The following SQOR variants were observed in gnomAD, a reference collection of about 807,000 sequenced individuals.
The protein encoded by SQOR is sulfide quinone oxidoreductase, also known as sulfide:quinone oxidoreductase, mitochondrial.
SQOR carries 39 observed loss-of-function variants against 48.6 expected under a neutral mutation model. The observed-to-expected ratio is 0.80, with a 90% CI of 0.62 to 1.05. The LOEUF (loss-of-function observed/expected upper bound fraction) is 1.05, where lower values mean the gene tolerates loss of function less well. SQOR is among the 50% of genes least tolerant of loss of function. SQOR has a pLI of 0.00. For missense variants in SQOR, 561 were observed against 559.9 expected, an observed-to-expected ratio of 1.00 and a Z score of -0.02; for synonymous variants, 220 against 206.2, an observed-to-expected ratio of 1.07 and a Z score of -0.57.
At chr15:45,688,111 C>T (rs978707184) in intron 7 of SQOR, among the ~76,000 whole-genome samples, 1 of 152,066 alleles carries the variant, frequency 6.6e-6, no homozygotes, top group Non-Finnish European at 1.5e-5. Flanking sequence ...TGGAGGGAGT[C>T]GGCTCTTTAG....
At chr15:45,661,794 G>C (rs1053685049) in intron 2 of SQOR, among the ~76,000 whole-genome samples, 161 bp from the exon 3 acceptor site, 2 of 152,164 alleles carry the variant, frequency 1.3e-5, no homozygotes, top group Non-Finnish European at 2.9e-5. Flanking sequence ...TACCATAATA[G>C]GAGACGCCTA....
intron 6 of SQOR, among the ~76,000 whole-genome samples, chr15:45,678,410 T>C (rs1052277557): frequency 6.6e-6 from 1 of 152,248 alleles, no homozygotes; most frequent in African/African-American, 2.4e-5. Flanking sequence ...TAACTATTGG[T>C]ATGAACTCAT....
intron 3 of SQOR, among the ~76,000 whole-genome samples, chr15:45,666,731 CCTCCCCTTCCCTCCTCTCCT>C (rs1415569362): frequency 3.0e-5 from 4 of 133,890 alleles, no homozygotes; most frequent in African/African-American, 1.1e-4. Flanking sequence ...TTTCCTCTCC[CCTCCCCTTCCCTCCTCTCCT>C]CTCTCCTCCC....
At chr15:45,678,493 T>G (rs571309640) in intron 6 of SQOR, among the ~76,000 whole-genome samples, 1 of 152,292 alleles carries the variant, frequency 6.6e-6, no homozygotes, top group South Asian at 2.1e-4. Context: ...CAAATTGTTT[T>G]GGATTTGGTC....
At chr15:45,653,499 G>A (rs1318787601) in intron 1 of SQOR, among the ~76,000 whole-genome samples, 3 of 152,146 alleles carry the variant, frequency 2.0e-5, no homozygotes, top group Non-Finnish European at 4.4e-5. Context: ...GGCCCTCTCC[G>A]GTCACACCAC....
intron 3 of SQOR, among the ~76,000 whole-genome samples, chr15:45,668,165 C>T (rs895613352): frequency 6.6e-6 from 1 of 151,870 alleles, no homozygotes; most frequent in African/African-American, 2.4e-5. Context: ...AGGCTGGTCT[C>T]GAACTCCTGA....
At chr15:45,635,830 A>T (rs1894993949) in intron 1 of SQOR, among the ~76,000 whole-genome samples, 1 of 151,824 alleles carries the variant, frequency 6.6e-6, no homozygotes, top group African/African-American at 2.4e-5. Flanking sequence ...AAGGCTAAAG[A>T]CTCTCAGAAC....
intron 4 of SQOR, among the ~76,000 whole-genome samples, chr15:45,670,900 G>A (rs1237109287): frequency 6.6e-6 from 1 of 152,130 alleles, no homozygotes; most frequent in Admixed American, 6.5e-5. Flanking sequence ...TAGACGATAT[G>A]GAGAAAGGTG....
chr15:45,679,613 T>C (rs1002105198), intron 6 of SQOR, among the ~76,000 whole-genome samples: 6 of 152,126 alleles, frequency 3.9e-5, no homozygotes, highest in Non-Finnish European at 7.4e-5. Flanking sequence ...AGGCAGAGAA[T>C]TGCTTGAACC....
intron 3 of SQOR, among the ~76,000 whole-genome samples, chr15:45,668,160 G>A (rs894611917): frequency 6.6e-6 from 1 of 151,818 alleles, no homozygotes; most frequent in African/African-American, 2.4e-5. Flanking sequence ...GGGCCAGGCT[G>A]GTCTCGAACT....
chr15:45,679,072 A>G (rs1037782053), intron 6 of SQOR, among the ~76,000 whole-genome samples: 1 of 152,206 alleles, frequency 6.6e-6, no homozygotes, highest in Admixed American at 6.5e-5. Flanking sequence ...TGTCCTCTGG[A>G]TAGCTGAGGT....
chr15:45,687,777 C>T (rs1327058435), intron 7 of SQOR, among the ~76,000 whole-genome samples: 3 of 152,098 alleles, frequency 2.0e-5, no homozygotes, highest in African/African-American at 7.2e-5. Flanking sequence ...AGGAAAGAGA[C>T]AGAGAGATGG....
intron 4 of SQOR, among the ~76,000 whole-genome samples, chr15:45,670,425 C>T (rs969472950): frequency 2.6e-4 from 39 of 152,234 alleles, no homozygotes; most frequent in Admixed American, 2.0e-3. Context: ...TTTGTTGTGT[C>T]GATACTGGGT....
At chr15:45,687,660 A>C (rs1253382431) in intron 7 of SQOR, among the ~76,000 whole-genome samples, 8 of 152,210 alleles carry the variant, frequency 5.3e-5, no homozygotes, top group African/African-American at 1.7e-4. Flanking sequence ...TTCCTAATAA[A>C]AAAGGCAGTC....
chr15:45,661,466 A>G (rs1404819887), intron 2 of SQOR, among the ~76,000 whole-genome samples: 1 of 152,106 alleles, frequency 6.6e-6, no homozygotes, highest in Non-Finnish European at 1.5e-5. Flanking sequence ...CACAGCCCTC[A>G]CTGGGCTTGG....
chr15:45,663,204 T>C (rs1359137012), intron 3 of SQOR, among the ~76,000 whole-genome samples: 2 of 152,030 alleles, frequency 1.3e-5, no homozygotes, highest in African/African-American at 4.8e-5. Context: ...TTTTTGGTAG[T>C]GACGGGGTTT....
At chr15:45,651,043 C>T (rs1273677549) in intron 1 of SQOR, among the ~76,000 whole-genome samples, 1 of 152,166 alleles carries the variant, frequency 6.6e-6, no homozygotes, top group East Asian at 1.9e-4. Flanking sequence ...GTCAATGGGA[C>T]AGGGCATCAC....
At chr15:45,665,983 A>T (rs1380955634) in intron 3 of SQOR, among the ~76,000 whole-genome samples, 2 of 152,126 alleles carry the variant, frequency 1.3e-5, no homozygotes, top group Non-Finnish European at 2.9e-5. Flanking sequence ...TTCTTCCCTG[A>T]TCCGGGGGTG....
chr15:45,676,545 T>A, intron 6 of SQOR, among the ~76,000 whole-genome samples: 1 of 152,312 alleles, frequency 6.6e-6, no homozygotes, highest in Non-Finnish European at 1.5e-5. Context: ...TGGTGCCAAG[T>A]GAATTTTTGT....
Sources: allele counts gnomAD v4.1 joint callset (sites outside exome capture counted in the v4.1 genomes callset), GRCh38; gene constraint gnomAD v4.1.1; transcripts MANE v1.5; gene names NCBI Gene and HGNC (gene_info 2026-07-23, HGNC 2026-07-21).